Variants in FSTL5 observed in about 807,000 individuals in gnomAD.
FSTL5 encodes follistatin-related protein 5.
Under a neutral mutation model 89.1 loss-of-function variants are expected in FSTL5, and 62 were observed. The observed-to-expected ratio is 0.70, with a 90% CI of 0.57 to 0.86. The LOEUF (loss-of-function observed/expected upper bound fraction) is 0.86, where lower values mean the gene tolerates loss of function less well. Ranked by LOEUF, FSTL5 falls within the 40% of genes least tolerant of loss-of-function variation. The pLI is 0.00. For missense variants in FSTL5, 1,057 were observed against 1,001.6 expected, an observed-to-expected ratio of 1.06 and a Z score of -0.75; for synonymous variants, 383 against 346.2, an observed-to-expected ratio of 1.11 and a Z score of -1.18.
intron 2 of FSTL5, chr4:162,041,810 T>G (rs1464582348): frequency 6.6e-6 from 1 of 152,144 alleles, no homozygotes; most frequent in African/African-American, 2.4e-5. Context: ...AGTTGTATTT[T>G]TATTTTATTG....
intron 6 of FSTL5, among the ~76,000 whole-genome samples, chr4:161,743,237 T>C (rs1256125701): frequency 6.6e-6 from 1 of 152,174 alleles, no homozygotes; most frequent in Non-Finnish European, 1.5e-5. Context: ...GGTTTTGTTT[T>C]TGGTTTTGGA....
intron 4 of FSTL5, among the ~76,000 whole-genome samples, chr4:161,873,296 C>A (rs992458216): frequency 1.1e-4 from 15 of 140,086 alleles, no homozygotes; most frequent in African/African-American, 3.7e-4. Context: ...AAGCAGATTT[C>A]ACAATGATGA....
At chr4:161,713,570 C>T (rs1448058878) in intron 6 of FSTL5, among the ~76,000 whole-genome samples, 1 of 152,112 alleles carries the variant, frequency 6.6e-6, no homozygotes, top group Non-Finnish European at 1.5e-5. Flanking sequence ...AAAAACAGTA[C>T]ATGCCCTACA....
At chr4:161,436,629 A>G (rs1732569489) in intron 15 of FSTL5, among the ~76,000 whole-genome samples, 1 of 152,192 alleles carries the variant, frequency 6.6e-6, no homozygotes, top group African/African-American at 2.4e-5. Context: ...TTTATGTATT[A>G]AGCCATTTTA....
intron 2 of FSTL5, among the ~76,000 whole-genome samples, chr4:162,079,118 C>T (rs981611543): frequency 2.0e-5 from 3 of 151,700 alleles, no homozygotes; most frequent in South Asian, 4.1e-4. Flanking sequence ...TTGCAAATAT[C>T]AACTATTTGA....
intron 2 of FSTL5, among the ~76,000 whole-genome samples, chr4:162,034,313 C>T (rs192576505): frequency 2.6e-5 from 4 of 152,218 alleles, no homozygotes; most frequent in African/African-American, 9.6e-5. Context: ...AATGGCTCTA[C>T]ATTAATCATA....
intron 4 of FSTL5, among the ~76,000 whole-genome samples, chr4:161,907,037 C>T (rs1371221841): frequency 6.6e-6 from 1 of 151,950 alleles, no homozygotes; most frequent in Non-Finnish European, 1.5e-5. Flanking sequence ...GCCAATGTGT[C>T]GTGTAAATGT....
At chr4:161,398,866 G>A (rs954774117) in intron 15 of FSTL5, among the ~76,000 whole-genome samples, 3 of 152,006 alleles carry the variant, frequency 2.0e-5, no homozygotes, top group African/African-American at 7.2e-5. Context: ...AAAGCTTTAT[G>A]CATGAATACA....
chr4:161,831,394 T>C (rs541746552), intron 4 of FSTL5, among the ~76,000 whole-genome samples: 2 of 152,052 alleles, frequency 1.3e-5, no homozygotes, highest in African/African-American at 4.8e-5. Context: ...ACCATTTGCC[T>C]GGCTATTAAA....
chr4:162,148,292 T>A (rs7688944), intron 1 of FSTL5, among the ~76,000 whole-genome samples: 78,697 of 152,046 alleles, frequency 0.52, 20,642 homozygotes, highest in Admixed American at 0.59. Context: ...AGCCTGTCAC[T>A]GAAAAATGGC....
intron 4 of FSTL5, among the ~76,000 whole-genome samples, chr4:161,809,163 G>A (rs1730065152): frequency 6.6e-6 from 1 of 152,174 alleles, no homozygotes; most frequent in African/African-American, 2.4e-5. Context: ...AGCTTGCAGT[G>A]AGCCATGATG....
intron 15 of FSTL5, among the ~76,000 whole-genome samples, chr4:161,432,593 C>G (rs994377077): frequency 6.6e-6 from 1 of 151,038 alleles, no homozygotes; most frequent in Non-Finnish European, 1.5e-5. Context: ...TAATAAAGAT[C>G]AGAGCAGAAG....
intron 3 of FSTL5, among the ~76,000 whole-genome samples, chr4:162,005,025 A>G (rs1286720215): frequency 6.6e-6 from 1 of 152,166 alleles, no homozygotes; most frequent in Non-Finnish European, 1.5e-5. Flanking sequence ...ACTCTTTAAA[A>G]TAGCCTGCCA....
intron 6 of FSTL5, among the ~76,000 whole-genome samples, chr4:161,705,501 A>G (rs1028750002): frequency 1.3e-5 from 2 of 152,096 alleles, no homozygotes; most frequent in Non-Finnish European, 2.9e-5. Context: ...CCTCAGTTCA[A>G]ATTGGAAGGG....
chr4:161,669,279 T>G (rs934918053), intron 6 of FSTL5, among the ~76,000 whole-genome samples: 11 of 152,146 alleles, frequency 7.2e-5, no homozygotes, highest in Non-Finnish European at 1.5e-4. Flanking sequence ...CAAGTCATTT[T>G]GTGGATATCA....
chr4:161,887,489 T>C (rs993131837), intron 4 of FSTL5, among the ~76,000 whole-genome samples: 1 of 152,070 alleles, frequency 6.6e-6, no homozygotes, highest in African/African-American at 2.4e-5. Flanking sequence ...TCTACTTCTA[T>C]CATCTCTCAT....
At chr4:161,738,495 T>G (rs954276596) in intron 6 of FSTL5, among the ~76,000 whole-genome samples, 7 of 151,662 alleles carry the variant, frequency 4.6e-5, no homozygotes. Context: ...AAAAAGCAAT[T>G]GAAAAAATGT....
intron 8 of FSTL5, among the ~76,000 whole-genome samples, chr4:161,558,985 T>C (rs1167027020): frequency 6.6e-6 from 1 of 151,922 alleles, no homozygotes. Context: ...CTGCTCTTCT[T>C]CTCAACAGCC....
At chr4:161,456,288 TA>T (rs1733348386) in intron 14 of FSTL5, among the ~76,000 whole-genome samples, 1 of 152,198 alleles carries the variant, frequency 6.6e-6, no homozygotes, top group Admixed American at 6.5e-5. Context: ...ATATGACTTT[TA>T]AAAGTAAAAT....
Sources: allele counts gnomAD v4.1 joint callset (sites outside exome capture counted in the v4.1 genomes callset), GRCh38; gene constraint gnomAD v4.1.1; transcripts MANE v1.5; gene names NCBI Gene and HGNC (gene_info 2026-07-23, HGNC 2026-07-21).